PARP11: variants seen among roughly 807,000 people sequenced by gnomAD.
PARP11 encodes protein mono-ADP-ribosyltransferase PARP11.
Under a neutral mutation model 42.9 loss-of-function variants are expected in PARP11, and 31 were observed. That is an observed-to-expected ratio of 0.72 (90% CI 0.54 to 0.98). The LOEUF (loss-of-function observed/expected upper bound fraction) is 0.98. PARP11 is among the 50% of genes least tolerant of loss of function. PARP11 has a pLI of 0.00. For missense variants in PARP11, 365 were observed against 413.1 expected, an observed-to-expected ratio of 0.88 and a Z score of 1.01; for synonymous variants, 137 against 127.3, an observed-to-expected ratio of 1.08 and a Z score of -0.51.
At chr12:3,873,147 C>T in intron 1 of PARP11, 65 bp downstream of exon 1, 1 of 1,358,218 alleles carries the variant, frequency 7.4e-7, no homozygotes, top group Non-Finnish European at 1.0e-6. Flanking sequence ...TTCCGGTGAC[C>T]CCCTCCCGCC....
Position 3,812,456 on chromosome 12 carries a change from C to G in PARP11, c.701-17G>C. ...AATAGGTTCCTTAAACAAAGAGGACCAAGAAAAGCCAAGATTACTCCGAAG... is the reference window on the plus strand; with the variant it reads ...AATAGGTTCCTTAAACAAAGAGGACGAAGAAAAGCCAAGATTACTCCGAAG... On this transcript the variant is annotated splice_polypyrimidine_tract_variant and intron_variant, in intron 7 of 7. Transcript: ENST00000228820. 5 of 1,561,456 alleles carry G rather than the reference C, an allele frequency of 3.2e-6. No homozygotes were observed. Among genetic ancestry groups the G allele is most frequent in the Non-Finnish European group, 4.4e-6 (5 of 1,147,948 alleles).
chr12:3,820,397 A>C (rs1478487815), intron 6 of PARP11, among the ~76,000 whole-genome samples: 1 of 152,192 alleles, frequency 6.6e-6, no homozygotes, highest in Non-Finnish European at 1.5e-5. Context: ...GAGACTCAGT[A>C]TTTTGTACTG....
At chr12:3,859,216 T>G (rs892381606) in intron 1 of PARP11, among the ~76,000 whole-genome samples, 1 of 152,092 alleles carries the variant, frequency 6.6e-6, no homozygotes, top group African/African-American at 2.4e-5. Flanking sequence ...TACATTATTA[T>G]ATAGATGTGA....
At chr12:3,871,961 G>A (rs1256058253) in intron 1 of PARP11, 2 of 152,146 alleles carry the variant, frequency 1.3e-5, no homozygotes, top group Non-Finnish European at 2.9e-5. Context: ...CCCAAGGTGA[G>A]TGATAGAAAC....
chr12:3,831,751 G>C (rs1294596134), intron 1 of PARP11, among the ~76,000 whole-genome samples: 1 of 152,092 alleles, frequency 6.6e-6, no homozygotes, highest in Non-Finnish European at 1.5e-5. Context: ...AAGCCTTCTG[G>C]TTTAGGACCC....
intron 1 of PARP11, among the ~76,000 whole-genome samples, chr12:3,857,216 T>C (rs1030987500): frequency 1.8e-4 from 27 of 152,008 alleles, no homozygotes; most frequent in African/African-American, 6.0e-4. Context: ...ACATGGCACA[T>C]GTATACATAT....
At chr12:3,836,537 AG>A (rs145576712) in intron 1 of PARP11, among the ~76,000 whole-genome samples, 3,833 of 152,284 alleles carry the variant, frequency 0.025, 154 homozygotes, top group African/African-American at 0.087. Context: ...GGGATAAAAA[AG>A]AAAAGAGCGC....
At chr12:3,833,252 G>T (rs1332439083) in intron 1 of PARP11, among the ~76,000 whole-genome samples, 1 of 152,060 alleles carries the variant, frequency 6.6e-6, no homozygotes, top group Non-Finnish European at 1.5e-5. Flanking sequence ...AAATGAACGA[G>T]AACTTCCAGA....
intron 3 of PARP11, among the ~76,000 whole-genome samples, chr12:3,827,477 C>T (rs940172703): frequency 1.1e-4 from 17 of 152,082 alleles, no homozygotes; most frequent in Admixed American, 2.0e-4. Context: ...GCATATCATT[C>T]GGTTTCAGTT....
At chr12:3,817,899 G>T (rs1416427248) in intron 6 of PARP11, among the ~76,000 whole-genome samples, 2 of 152,154 alleles carry the variant, frequency 1.3e-5, no homozygotes, top group Non-Finnish European at 2.9e-5. Context: ...TCTGTGGCGG[G>T]TGACAGGTAT....
At chr12:3,864,026 C>G (rs1360951692) in intron 1 of PARP11, 2 of 152,222 alleles carry the variant, frequency 1.3e-5, no homozygotes, top group Non-Finnish European at 2.9e-5. Flanking sequence ...TGGAAACAAG[C>G]TTAAGAATGG....
intron 1 of PARP11, among the ~76,000 whole-genome samples, chr12:3,837,017 A>C (rs543437032): frequency 6.6e-6 from 1 of 152,324 alleles, no homozygotes; most frequent in East Asian, 1.9e-4. Context: ...TGAAGGGAGA[A>C]CTATCCCTGA....
Position 3,814,197 on chromosome 12 carries a change from A to C in PARP11, c.549-9T>G, listed in dbSNP as rs1451801524. 6.4e-7 allele frequency: 1 copy of C among 1,574,388 alleles called. No homozygotes were observed. The highest frequency in any genetic ancestry group is 8.7e-7 in the Non-Finnish European group (1 of 1,155,546). ...TGAGCTGAGCCTTTTTCCTAAAAACACAATATACACAGACACAAAAGCACA... is the reference window on the plus strand; with the variant it reads ...TGAGCTGAGCCTTTTTCCTAAAAACCCAATATACACAGACACAAAAGCACA... On this transcript the variant is annotated splice_polypyrimidine_tract_variant and intron_variant, in intron 6 of 7. Coordinates refer to ENST00000228820, the MANE Select transcript of PARP11 (RefSeq NM_020367.6).
At chr12:3,820,696 G>A (rs1176598632) in intron 6 of PARP11, among the ~76,000 whole-genome samples, 1 of 152,106 alleles carries the variant, frequency 6.6e-6, no homozygotes, top group Non-Finnish European at 1.5e-5. Context: ...TTCACTGAGA[G>A]AATAAAGTCA....
chr12:3,847,392 CCCA>C (rs1948024721), intron 1 of PARP11, among the ~76,000 whole-genome samples: 2 of 152,070 alleles, frequency 1.3e-5, no homozygotes, highest in Non-Finnish European at 2.9e-5. Context: ...GCCAATATCA[CCCA>C]TGTACATAGA....
In PARP11 at chr12:3,843,462, A is replaced by AT. The variant is rs1429065259; in HGVS notation, c.19-13445dup. Among the ~76,000 whole-genome samples, 8 of 152,064 alleles carry AT rather than the reference A, an allele frequency of 5.3e-5. No individual in the cohort carries two copies. The South Asian group carries it at 8.3e-4, about 16-fold the overall frequency. On this transcript the variant is annotated intron_variant, in intron 1 of 7. Coordinates refer to ENST00000228820, the MANE Select transcript of PARP11 (RefSeq NM_020367.6). Reference sequence around the variant, plus strand: ...AGGTTTCTAGAGTTACTGTGTGTGTATTTTTTTTCCCCTTGCACCATTGGT... The same window carrying AT: ...AGGTTTCTAGAGTTACTGTGTGTGTATTTTTTTTTCCCCTTGCACCATTGGT...
chr12:3,821,847 A>G, intron 6 of PARP11, 26 bp downstream of exon 6: 1 of 1,590,240 alleles, frequency 6.3e-7, no homozygotes, highest in Middle Eastern at 1.7e-4. Flanking sequence ...TGGAAAGGAG[A>G]AGTTTCAGAT....
rs531977603 is a variant in PARP11 at position 3,814,956 on chromosome 12, T to C, written c.549-768A>G. ...TATTATGTAGGTATACATACACAGG[T>C]AGTAAAAAATACAAAATACAAACAA... is the stretch of plus-strand genomic sequence containing the variant. On this transcript the variant is annotated intron_variant, in intron 6 of 7. Transcript: ENST00000228820. 236 of 450,926 alleles carry C rather than the reference T, an allele frequency of 5.2e-4. 1 individual carries two copies. Among genetic ancestry groups the C allele is most frequent in the Middle Eastern group, 9.8e-4 (3 of 3,064 alleles). The allele number at this position is 450,926 out of a possible 1,614,324, so 27.9% of individuals were successfully genotyped here.
intron 1 of PARP11, chr12:3,842,322 G>A (rs1030909045): frequency 6.2e-7 from 1 of 1,607,374 alleles, no homozygotes; most frequent in Admixed American, 1.7e-5. Flanking sequence ...ATGGGAGCAG[G>A]AAGTACAAAA....
Sources: allele counts gnomAD v4.1 joint callset (sites outside exome capture counted in the v4.1 genomes callset), GRCh38; gene constraint gnomAD v4.1.1; transcripts MANE v1.5; gene names NCBI Gene and HGNC (gene_info 2026-07-23, HGNC 2026-07-21).